The following AP4E1 variants were observed in gnomAD, a reference collection of about 807,000 sequenced individuals.
AP4E1 encodes the protein AP-4 complex subunit epsilon-1.
Under a neutral mutation model 128.2 loss-of-function variants are expected in AP4E1, and 56 were observed. That is an observed-to-expected ratio of 0.44 (90% confidence interval 0.35 to 0.55). The LOEUF is 0.55. AP4E1 is among the 20% of genes least tolerant of loss of function. The pLI is 0.00. For synonymous variants in AP4E1, 484 were observed against 473.1 expected, an observed-to-expected ratio of 1.02 and a Z score of -0.30; for missense variants, 1,324 against 1,307.7, an observed-to-expected ratio of 1.01 and a Z score of -0.19.
intron 1 of AP4E1, among the ~76,000 whole-genome samples, chr15:50,911,724 C>T (rs1441553122): frequency 1.3e-5 from 2 of 152,010 alleles, no homozygotes; most frequent in African/African-American, 2.4e-5. Context: ...GTGATTCACT[C>T]GCCTTGGCCT....
Position 51,002,676 on chromosome 15 carries a change from A to G in AP4E1, c.*14A>G, listed in dbSNP as rs1490168385. 7.4e-6 allele frequency: 12 copies of G among 1,613,774 alleles called. No homozygotes were observed. The South Asian group carries it at 1.3e-4, about 18-fold the overall frequency. ...GAGGGATCCTAGCAGAAGCCCTGCTAAATTTTACTCCATCAAGATCAATGG... is the reference window on the plus strand; with the variant it reads ...GAGGGATCCTAGCAGAAGCCCTGCTGAATTTTACTCCATCAAGATCAATGG... On this transcript the variant is annotated 3_prime_UTR_variant, in exon 21 of 21. Coordinates refer to ENST00000261842, the MANE Select transcript of AP4E1 (RefSeq NM_007347.5).
At chr15:50,914,986 A>G (rs898510714) in intron 2 of AP4E1, among the ~76,000 whole-genome samples, 6 of 152,314 alleles carry the variant, frequency 3.9e-5, no homozygotes, top group African/African-American at 1.4e-4. Flanking sequence ...TCTAGGTGCA[A>G]TTTGGTTTTC....
At chr15:51,000,918 C>G in intron 19 of AP4E1, 108 bp from the exon 20 acceptor site, 2 of 916,294 alleles carry the variant, frequency 2.2e-6, no homozygotes, top group South Asian at 3.1e-5. Context: ...TCTTATGGGA[C>G]CCAGATTTAC....
At chr15:50,998,500 C>T (rs942876209) in intron 18 of AP4E1, among the ~76,000 whole-genome samples, 10 of 151,906 alleles carry the variant, frequency 6.6e-5, no homozygotes, top group African/African-American at 9.7e-5. Flanking sequence ...CATGGTGGTA[C>T]GCACCTGTAA....
intron 3 of AP4E1, among the ~76,000 whole-genome samples, chr15:50,923,538 T>G (rs1376193179): frequency 6.9e-6 from 1 of 145,074 alleles, no homozygotes; most frequent in Non-Finnish European, 1.5e-5. Context: ...GTGATTAGGG[T>G]TTTTTTTATT....
rs1282779172 is a variant in AP4E1 at position 51,003,941 on chromosome 15, T to C, written c.*1279T>C. ...TGGCTGATAAAGAAGCTAAGGGGATTCTCCAGATCTAATAGATTTCATTAG... is the reference window on the plus strand; with the variant it reads ...TGGCTGATAAAGAAGCTAAGGGGATCCTCCAGATCTAATAGATTTCATTAG... On this transcript the variant is annotated 3_prime_UTR_variant, in exon 21 of 21. Coordinates refer to ENST00000261842, the MANE Select transcript of AP4E1 (RefSeq NM_007347.5). 1 of 152,458 alleles carries C rather than the reference T, an allele frequency of 6.6e-6. No individual in the cohort carries two copies. The highest frequency in any genetic ancestry group is 2.4e-5 in the African/African-American group (1 of 41,458). 9.4% of individuals were successfully genotyped at this position (152,458 alleles called of 1,614,324 possible).
At chr15:50,964,955 C>CCCCCCACACACACACACA (rs1555459128) in intron 14 of AP4E1, among the ~76,000 whole-genome samples, 1 of 131,370 alleles carries the variant, frequency 7.6e-6, no homozygotes, top group East Asian at 2.3e-4. Flanking sequence ...CCTCCCCCTA[C>CCCCCCACACACACACACA]CACACACACA....
chr15:50,950,377 A>G (rs1383496886), intron 13 of AP4E1, among the ~76,000 whole-genome samples: 1 of 152,120 alleles, frequency 6.6e-6, no homozygotes, highest in Non-Finnish European at 1.5e-5. Flanking sequence ...ATAGGTATTT[A>G]CTTGTCTCTT....
At chr15:50,957,432 T>TGGGGC (rs2064239645) in intron 13 of AP4E1, among the ~76,000 whole-genome samples, 1 of 152,026 alleles carries the variant, frequency 6.6e-6, no homozygotes, top group Non-Finnish European at 1.5e-5. Context: ...AGGCACAGGA[T>TGGGGC]GGGGCAGGGC....
intron 1 of AP4E1, among the ~76,000 whole-genome samples, chr15:50,910,482 TAAGAC>T (rs2063552603): frequency 1.3e-5 from 2 of 152,320 alleles, no homozygotes; most frequent in South Asian, 2.1e-4. Context: ...GTTTTGGGCT[TAAGAC>T]AAGTATAAGC....
intron 14 of AP4E1, among the ~76,000 whole-genome samples, chr15:50,962,290 T>C (rs1250935904): frequency 6.6e-6 from 1 of 151,948 alleles, no homozygotes; most frequent in Non-Finnish European, 1.5e-5. Context: ...CATGAGACTC[T>C]GAATAGCCAA....
At chr15:50,908,476 G>A (rs1463973973), upstream of AP4E1, 2 of 300,174 alleles carry the variant, frequency 6.7e-6, no homozygotes, top group African/African-American at 2.2e-5. Flanking sequence ...GGCCCCCGAC[G>A]GCTTCCTCAG....
intron 13 of AP4E1, 106 bp downstream of exon 13, chr15:50,950,275 C>T (rs1596478176): frequency 7.9e-6 from 6 of 755,928 alleles, no homozygotes; most frequent in African/African-American, 1.8e-5. Flanking sequence ...CTAACTCCTT[C>T]AGCTGTCAAT....
At chr15:50,911,432 T>A (rs2063565095) in intron 1 of AP4E1, among the ~76,000 whole-genome samples, 1 of 152,134 alleles carries the variant, frequency 6.6e-6, no homozygotes. Context: ...ATGAGACTCT[T>A]TTCTTGGGCC....
At chr15:50,971,706 T>C (rs987339856) in intron 15 of AP4E1, among the ~76,000 whole-genome samples, 23 of 152,220 alleles carry the variant, frequency 1.5e-4, no homozygotes, top group African/African-American at 5.3e-4. Context: ...TTAGAAATTA[T>C]TTCTTCTGCT....
In AP4E1 at chr15:51,002,925, C is replaced by A; in HGVS notation, c.*263C>A. On this transcript the variant is annotated 3_prime_UTR_variant, in exon 21 of 21. Transcript: ENST00000261842. ...TATAAACTGCTAATGATTTATATAT[C>A]ACTTAGTGTGTAGAGGGACTGAAAA... The A allele has an allele frequency of 2.3e-6, 1 of 432,588 alleles. No homozygotes were observed. Among genetic ancestry groups the A allele is most frequent in the South Asian group, 2.3e-5 (1 of 42,776 alleles). The allele number at this position is 432,588 out of a possible 1,614,324, so 26.8% of individuals were successfully genotyped here. A position where few individuals can be genotyped will look rare whatever the true frequency, so the allele number is the denominator to read the frequency against.
chr15:50,968,990 CT>C (rs1300349372), intron 15 of AP4E1, among the ~76,000 whole-genome samples: 1 of 151,072 alleles, frequency 6.6e-6, no homozygotes, highest in Non-Finnish European at 1.5e-5. Context: ...TTATGGGAAA[CT>C]TTTTTTTCTT....
intron 16 of AP4E1, among the ~76,000 whole-genome samples, chr15:50,987,830 GT>G (rs1308455155): frequency 2.0e-5 from 3 of 152,132 alleles, no homozygotes; most frequent in African/African-American, 7.2e-5. Flanking sequence ...TGTTGTTTCA[GT>G]GGTTTCTATT....
chr15:50,949,912 A>G lies in AP4E1; in HGVS notation c.1403A>G (p.Asn468Ser), dbSNP rs780651589. The part of the protein sequence containing the change: ...GGDVMHPDIP[N>S]NFLRLLAEGF... ...GATGTAATGCATCCTGATATTCCCA[A>G]TAACTTTCTGAGACTACTAGCGGAA... The change falls in exon 12 of 21, where the codon AAT becomes AGT. Residue 468 changes from asparagine to serine, a missense_variant. Asn to Ser is a conservative substitution (Grantham distance 46). Coordinates refer to ENST00000261842, the MANE Select transcript of AP4E1 (RefSeq NM_007347.5). 12 of 1,613,538 alleles carry G rather than the reference A, an allele frequency of 7.4e-6. No homozygotes were observed. Among genetic ancestry groups the G allele is most frequent in the South Asian group, 4.4e-5 (4 of 91,078 alleles).
Sources: gnomAD v4.1 joint callset for allele counts (sites outside exome capture counted in the v4.1 genomes callset) on GRCh38, gnomAD v4.1.1 for gene constraint, MANE v1.5 for transcripts, NCBI Gene and HGNC (gene_info 2026-07-23, HGNC 2026-07-21) for gene names.